Variants in SV2C observed in about 807,000 individuals in gnomAD.
SV2C encodes synaptic vesicle glycoprotein 2C, also known as solute carrier family 22 member B3.
SV2C carries 49 observed loss-of-function variants against 79.7 expected under a neutral mutation model. That is an observed-to-expected ratio of 0.61 (90% CI 0.49 to 0.78). The LOEUF (loss-of-function observed/expected upper bound fraction) is 0.78, where lower values mean the gene tolerates loss of function less well. Among genes scored for constraint, SV2C ranks in the 30% least tolerant of loss-of-function variants. The pLI, the probability that SV2C is intolerant of heterozygous loss-of-function variation, is 0.00. For missense variants in SV2C, 833 were observed against 912.9 expected, an observed-to-expected ratio of 0.91 and a Z score of 1.13; for synonymous variants, 334 against 333.2, an observed-to-expected ratio of 1.00 and a Z score of -0.03.
chr5:76,031,388 C>T, the SV2C span, among the ~76,000 whole-genome samples: 1 of 152,224 alleles, frequency 6.6e-6, no homozygotes, highest in Non-Finnish European at 1.5e-5. Flanking sequence ...TGGGCTGTCA[C>T]ACGGCAATGC....
chr5:76,351,695 TC>T (rs1323776411), intron 12 of SV2C, among the ~76,000 whole-genome samples: 1 of 152,142 alleles, frequency 6.6e-6, no homozygotes, highest in Non-Finnish European at 1.5e-5. Context: ...TGGTCTTCTG[TC>T]CCAGTCAGTG....
the SV2C span, among the ~76,000 whole-genome samples, chr5:75,938,605 A>C: frequency 7.2e-5 from 11 of 152,216 alleles, no homozygotes; most frequent in Non-Finnish European, 1.6e-4. Context: ...AAAATGAATC[A>C]GTGGTACCAG....
the SV2C span, among the ~76,000 whole-genome samples, chr5:76,066,578 C>T: frequency 6.6e-6 from 1 of 151,496 alleles, no homozygotes; most frequent in Non-Finnish European, 1.5e-5. Context: ...ACGTTGTGCA[C>T]ATGTACCCTA....
chr5:75,880,294 T>C, the SV2C span, among the ~76,000 whole-genome samples: 1 of 149,142 alleles, frequency 6.7e-6, no homozygotes, highest in South Asian at 2.1e-4. Context: ...CGGGCTTTTC[T>C]TTTATAGCAC....
At chr5:75,950,747 A>G in the SV2C span, among the ~76,000 whole-genome samples, 1 of 151,538 alleles carries the variant, frequency 6.6e-6, no homozygotes, top group East Asian at 1.9e-4. Context: ...ATGTGGCTTA[A>G]GTCTATGAAG....
At chr5:75,887,680 T>C in the SV2C span, among the ~76,000 whole-genome samples, 6 of 152,232 alleles carry the variant, frequency 3.9e-5, no homozygotes, top group Middle Eastern at 6.8e-3. Context: ...CTCTGGACAA[T>C]GTATATATGT....
chr5:76,271,078 T>C (rs999549795), intron 4 of SV2C, among the ~76,000 whole-genome samples: 1 of 152,114 alleles, frequency 6.6e-6, no homozygotes, highest in Non-Finnish European at 1.5e-5. Flanking sequence ...CTAATCGCTA[T>C]GATTTTTAAA....
intron 10 of SV2C, 84 bp from the exon 11 acceptor site, chr5:76,300,645 C>G: frequency 7.0e-7 from 1 of 1,420,690 alleles, no homozygotes; most frequent in Non-Finnish European, 9.8e-7. Context: ...TACTGGTTTC[C>G]TCTCCGAATC....
At chr5:75,861,211 G>T in the SV2C span, among the ~76,000 whole-genome samples, 16 of 152,112 alleles carry the variant, frequency 1.1e-4, no homozygotes, top group African/African-American at 3.6e-4. Flanking sequence ...CATAAAAGTG[G>T]CTAACAAACA....
the SV2C span, among the ~76,000 whole-genome samples, chr5:76,042,656 C>T: frequency 6.6e-6 from 1 of 152,318 alleles, no homozygotes; most frequent in African/African-American, 2.4e-5. Flanking sequence ...GTGACTCACA[C>T]TTTCTGTCCT....
At chr5:75,955,750 C>A in the SV2C span, among the ~76,000 whole-genome samples, 3 of 149,730 alleles carry the variant, frequency 2.0e-5, no homozygotes, top group Non-Finnish European at 4.5e-5. Flanking sequence ...TGAACAGACA[C>A]TTCTCAAAAG....
chr5:76,223,491 A>ATATATG (rs1484994684), intron 4 of SV2C, among the ~76,000 whole-genome samples: 375 of 37,290 alleles, frequency 0.01, 5 homozygotes, highest in South Asian at 0.019. Flanking sequence ...ATATATATAT[A>ATATATG]TATATGTATA....
intron 4 of SV2C, among the ~76,000 whole-genome samples, chr5:76,240,895 A>G (rs1172454233): frequency 6.6e-6 from 1 of 152,210 alleles, no homozygotes; most frequent in Non-Finnish European, 1.5e-5. Context: ...CAGATGCCAG[A>G]TAAATATTTA....
chr5:75,851,508 A>T, the SV2C span, among the ~76,000 whole-genome samples: 1 of 152,262 alleles, frequency 6.6e-6, no homozygotes, highest in Non-Finnish European at 1.5e-5. Flanking sequence ...CCCAGACAAC[A>T]TACAATTCAT....
At chr5:76,261,464 A>T (rs567065338) in intron 4 of SV2C, among the ~76,000 whole-genome samples, 1 of 152,310 alleles carries the variant, frequency 6.6e-6, no homozygotes, top group South Asian at 2.1e-4. Flanking sequence ...TTCTGGCCAG[A>T]ACTTCCAATT....
chr5:76,130,926 T>C (rs1277405463), intron 1 of SV2C, among the ~76,000 whole-genome samples: 1 of 151,562 alleles, frequency 6.6e-6, no homozygotes, highest in Non-Finnish European at 1.5e-5. Context: ...GGCCTGGGGG[T>C]AGTTTCTGAA....
intron 4 of SV2C, among the ~76,000 whole-genome samples, chr5:76,260,266 CT>C (rs1295375731): frequency 1.3e-5 from 2 of 152,122 alleles, no homozygotes; most frequent in African/African-American, 4.8e-5. Flanking sequence ...TGTTCATATC[CT>C]TCGCCTACTT....
rs140055895 is a variant in SV2C at position 76,114,485 on chromosome 5, T to A, written c.-101-17165T>A. Among the ~76,000 whole-genome samples, 12 of 152,108 alleles carry A rather than the reference T, an allele frequency of 7.9e-5. No individual in the cohort carries two copies. In the East Asian group the frequency reaches 2.3e-3, roughly 29 times the overall value. On this transcript the variant is annotated intron_variant, in intron 1 of 12. Coordinates refer to ENST00000502798, the MANE Select transcript of SV2C (RefSeq NM_014979.4). ...CTCCTCTTGTTGACATCTATGAGAG[T>A]TTCCTGAGGTCCAGGAAAATGTGTT...
At chr5:76,025,914 T>C in the SV2C span, among the ~76,000 whole-genome samples, 1 of 152,130 alleles carries the variant, frequency 6.6e-6, no homozygotes. Context: ...ATGAGACATG[T>C]TTTTCAGAAG....
Sources: allele counts gnomAD v4.1 joint callset (sites outside exome capture counted in the v4.1 genomes callset), GRCh38; gene constraint gnomAD v4.1.1; transcripts MANE v1.5; gene names NCBI Gene and HGNC (gene_info 2026-07-23, HGNC 2026-07-21).